The following KIAA1549 variants were observed in gnomAD, a reference collection of about 807,000 sequenced individuals.
KIAA1549 encodes the protein KIAA1549.
Under a neutral mutation model 156.4 loss-of-function variants are expected in KIAA1549, and 70 were observed. The ratio of observed to expected loss-of-function variants is 0.45; its 90% CI spans 0.37 to 0.55. The LOEUF is 0.55. Ranked by LOEUF, KIAA1549 falls within the 20% of genes least tolerant of loss-of-function variation. The pLI is 0.00. For synonymous variants in KIAA1549, 1,103 were observed against 1,066.4 expected, an observed-to-expected ratio of 1.03 and a Z score of -0.67; for missense variants, 2,428 against 2,540.9, an observed-to-expected ratio of 0.96 and a Z score of 0.96.
At chr7:138,947,322 A>C (rs1296139966) in intron 1 of KIAA1549, among the ~76,000 whole-genome samples, 1 of 152,164 alleles carries the variant, frequency 6.6e-6, no homozygotes, top group Non-Finnish European at 1.5e-5. Context: ...TACATCACTT[A>C]ATTTCCCCAA....
In KIAA1549 at chr7:138,832,191, C is replaced by CTTTT. The variant is rs749938588; in HGVS notation, c.*5711_*5714dup. The CTTTT allele has an allele frequency of 1.2e-4, 17 of 143,770 alleles. No homozygotes were observed. The highest frequency in any genetic ancestry group is 4.7e-4 in the African/African-American group (14 of 29,988). 8.9% of individuals were successfully genotyped at this position (143,770 alleles called of 1,614,324 possible). A position where few individuals can be genotyped will look rare whatever the true frequency, so the allele number is the denominator to read the frequency against. On this transcript the variant is annotated 3_prime_UTR_variant, in exon 20 of 20. Transcript: ENST00000422774. ...TCACCTCTGTCCCTTTTACCTATTC[C>CTTTT]TTTTTTTTTTTTTTTTTTTTCCAGA...
At chr7:138,868,201 A>C (rs1810811383) in intron 14 of KIAA1549, 73 bp from the exon 15 acceptor site, 1 of 1,378,792 alleles carries the variant, frequency 7.3e-7, no homozygotes, top group East Asian at 2.4e-5. Flanking sequence ...CTAAACACTA[A>C]GTACCCTGAG....
At position 138,918,811 on chromosome 7, in the gene KIAA1549, G is replaced by C. The variant is rs1024678845; in HGVS notation, c.815C>G (p.Ser272Cys). 1.2e-6 allele frequency: 2 copies of C among 1,613,852 alleles called. No individual in the cohort carries two copies. The highest frequency in any genetic ancestry group is 1.7e-6 in the Non-Finnish European group (2 of 1,179,906). The change falls in exon 2 of 20, where the codon TCC (serine) becomes TGC (cysteine). Residue 272 changes from serine (S) to cysteine (C), a missense_variant. Physicochemically the swap from Ser to Cys is moderately radical, Grantham distance 112. This residue lies in a region of KIAA1549 where 893 missense variants were observed against 847.9 expected (regional missense o/e 1.05). Transcript: ENST00000422774. This position sits in a 1 kb window ranked among gnomAD's most constrained non-coding sequence, Gnocchi z 4.2. The stretch of plus-strand genomic sequence containing the variant: ...GGTGGTTTCCACACCCTCTGTTAGG[G>C]AAGCCACAATCTCTGGCAGAGTCCT... The part of the protein sequence containing the change: ...SSRTLPEIVA[S>C]LTEGVETTLF...
At chr7:138,923,524 C>A (rs984946328) in intron 1 of KIAA1549, among the ~76,000 whole-genome samples, 1 of 151,806 alleles carries the variant, frequency 6.6e-6, no homozygotes, top group African/African-American at 2.4e-5. Flanking sequence ...CACATGAACC[C>A]GGGAGGTGGA....
intron 17 of KIAA1549, among the ~76,000 whole-genome samples, chr7:138,847,645 C>G (rs1163417451): frequency 6.6e-6 from 1 of 152,214 alleles, no homozygotes; most frequent in Non-Finnish European, 1.5e-5. Flanking sequence ...ATCTTAATCA[C>G]TTGACAGTAA....
At chr7:138,971,591 T>C (rs1290697699) in intron 1 of KIAA1549, among the ~76,000 whole-genome samples, 1 of 152,108 alleles carries the variant, frequency 6.6e-6, no homozygotes, top group Admixed American at 6.5e-5. Context: ...GCACCCTTCA[T>C]GCCGCAGAAG....
At chr7:138,921,383 C>T (rs146698378) in intron 1 of KIAA1549, among the ~76,000 whole-genome samples, 3 of 152,268 alleles carry the variant, frequency 2.0e-5, no homozygotes, top group East Asian at 1.9e-4. Flanking sequence ...TGCTTTCTGG[C>T]GGAAAACCCA....
chr7:138,846,533 C>CAAAAAA (rs1213246866), intron 17 of KIAA1549, among the ~76,000 whole-genome samples: 10 of 59,974 alleles, frequency 1.7e-4, no homozygotes, highest in Admixed American at 4.3e-4. Flanking sequence ...GACTCCATCT[C>CAAAAAA]AAAAAAAAAA....
chr7:138,834,453 C>T lies in KIAA1549; in HGVS notation c.*3453G>A, dbSNP rs1052105761. ...CGTGAGCCACCGCGCCTGATCTCTT[C>T]GAATGAATTTTATTGACACTTAAAC... is the stretch of plus-strand genomic sequence containing the variant. On this transcript the variant is annotated 3_prime_UTR_variant, in exon 20 of 20. Transcript: ENST00000422774. 1.4e-5 allele frequency: 3 copies of T among 208,204 alleles called. No homozygotes were observed. The highest frequency in any genetic ancestry group is 4.5e-5 in the African/African-American group (2 of 43,960). 12.9% of individuals were successfully genotyped at this position (208,204 alleles called of 1,614,324 possible). A position where few individuals can be genotyped will look rare whatever the true frequency, so the allele number is the denominator to read the frequency against.
chr7:138,920,706 C>T (rs1420931602), intron 1 of KIAA1549, among the ~76,000 whole-genome samples: 2 of 152,236 alleles, frequency 1.3e-5, no homozygotes, highest in Non-Finnish European at 2.9e-5. Flanking sequence ...CTGTCCTCTG[C>T]AGCCCAGGCT....
chr7:138,968,212 T>C (rs1584791161), intron 1 of KIAA1549, among the ~76,000 whole-genome samples: 1 of 152,078 alleles, frequency 6.6e-6, no homozygotes, highest in East Asian at 1.9e-4. Flanking sequence ...AGGAGGGAGA[T>C]TATTAGGAAA....
chr7:138,847,703 G>C (rs570064606), intron 17 of KIAA1549, among the ~76,000 whole-genome samples: 2 of 152,314 alleles, frequency 1.3e-5, no homozygotes, highest in East Asian at 3.9e-4. Context: ...CTTTCTCAAA[G>C]TGTCTGGGCT....
At chr7:138,847,237 A>G (rs1215365648) in intron 17 of KIAA1549, among the ~76,000 whole-genome samples, 8 of 152,194 alleles carry the variant, frequency 5.3e-5, no homozygotes, top group African/African-American at 1.9e-4. Context: ...CCACACCACA[A>G]CACTTCTGAG....
Position 138,917,986 on chromosome 7 carries a change from T to C in KIAA1549, c.1640A>G (p.Gln547Arg). Residue 547 changes from glutamine (Q) to arginine (R), a missense_variant, in exon 2 of 20, where the codon CAA (glutamine) becomes CGA (arginine). Transcript: ENST00000422774. Reference sequence around the variant, plus strand: ...AGTGGTCACGCTGGATGGCGTCACTTGGGTTTCAGCAACAGACAAGGAGCC... The same window carrying C: ...AGTGGTCACGCTGGATGGCGTCACTCGGGTTTCAGCAACAGACAAGGAGCC... Reference protein sequence around the residue: ...TAGSLSVAETQVTPSSVTTAF... With the variant: ...TAGSLSVAETRVTPSSVTTAF... The C allele has an allele frequency of 1.3e-6, 2 of 1,596,992 alleles. No homozygotes were observed. Among genetic ancestry groups the C allele is most frequent in the Non-Finnish European group, 1.7e-6 (2 of 1,171,838 alleles).
intron 12 of KIAA1549, among the ~76,000 whole-genome samples, chr7:138,875,507 G>A (rs1161612420): frequency 3.3e-5 from 5 of 151,892 alleles, no homozygotes; most frequent in Non-Finnish European, 7.4e-5. Context: ...AGTTAGCTGG[G>A]CGTGGTATGC....
At chr7:138,937,483 G>C (rs1480018911) in intron 1 of KIAA1549, among the ~76,000 whole-genome samples, 6 of 152,160 alleles carry the variant, frequency 3.9e-5, no homozygotes, top group African/African-American at 1.4e-4. Context: ...AGATAGAAAG[G>C]TCCCCTGCTC....
chr7:138,840,523 C>T (rs1014495628), intron 18 of KIAA1549, among the ~76,000 whole-genome samples: 1 of 152,012 alleles, frequency 6.6e-6, no homozygotes, highest in East Asian at 1.9e-4. Flanking sequence ...CACGAAGCAC[C>T]GTGGACCAAG....
At position 138,867,005 on chromosome 7, in the gene KIAA1549, A is replaced by G. The variant is rs115448348; in HGVS notation, c.4929+970T>C. On this transcript the variant is annotated intron_variant, in intron 15 of 19. Transcript: ENST00000422774. ...TTTTGGAGAGACGGGGTTTCGCTAT[A>G]TTGCCCAGGCTGGTCTCCAACACCT... 6.5e-3 allele frequency among the ~76,000 whole-genome samples: 989 copies of G among 152,008 alleles called. 6 individuals carry two copies. Among genetic ancestry groups the G allele is most frequent in the African/African-American group, 0.021 (879 of 41,434 alleles).
chr7:138,883,670 A>G (rs1056822110), intron 10 of KIAA1549, among the ~76,000 whole-genome samples: 12 of 152,190 alleles, frequency 7.9e-5, no homozygotes, highest in African/African-American at 2.4e-4. Context: ...TTCTGATGAC[A>G]TGAAAAGTGT....
Sources: gnomAD v4.1 joint callset for allele counts (sites outside exome capture counted in the v4.1 genomes callset) on GRCh38, gnomAD v4.1.1 for gene constraint, gnomAD v4.1.1 regional missense constraint, Gnocchi (gnomAD v3.1) non-coding constraint, MANE v1.5 for transcripts, NCBI Gene and HGNC (gene_info 2026-07-23, HGNC 2026-07-21) for gene names.